The following GABPB1 variants were observed in gnomAD, a reference collection of about 807,000 sequenced individuals.
The protein encoded by GABPB1 is GA-binding protein subunit beta-1.
A neutral mutation model predicts 45.9 loss-of-function variants in GABPB1; 15 were observed. The ratio of observed to expected loss-of-function variants is 0.33; its 90% CI spans 0.22 to 0.50. The LOEUF (loss-of-function observed/expected upper bound fraction) is 0.50. Among genes scored for constraint, GABPB1 ranks in the 20% least tolerant of loss-of-function variants. The probability of loss-of-function intolerance (pLI) is 0.98; values close to 1 mark genes in which losing one functional copy is unlikely to be tolerated. For synonymous variants in GABPB1, 143 were observed against 154.4 expected (o/e 0.93, Z 0.55); for missense variants, 252 against 457.5 (o/e 0.55, Z 4.10).
chr15:50,339,071 G>A lies in GABPB1; in HGVS notation c.-1+15914C>T, dbSNP rs148723636. Among the ~76,000 whole-genome samples, 61 of 152,310 alleles carry A rather than the reference G, an allele frequency of 4.0e-4. No individual in the cohort carries two copies. The East Asian group carries it at 6.4e-3, about 16-fold the overall frequency. The stretch of plus-strand genomic sequence containing the variant: ...TAATCCCAGCACTTTGGGAGGCCAA[G>A]ACGGGCAGATCACTCAGGTGACCCT... On this transcript the variant is annotated intron_variant, in intron 1 of 8. Transcript: ENST00000380877.
chr15:50,346,758 G>C (rs2048601510), intron 1 of GABPB1, among the ~76,000 whole-genome samples: 1 of 150,652 alleles, frequency 6.6e-6, no homozygotes, highest in Non-Finnish European at 1.5e-5. Flanking sequence ...GTAACCTCAT[G>C]TGGAAGAAAG....
At chr15:50,345,405 G>A (rs1249395007) in intron 1 of GABPB1, among the ~76,000 whole-genome samples, 1 of 151,904 alleles carries the variant, frequency 6.6e-6, no homozygotes, top group Non-Finnish European at 1.5e-5. Flanking sequence ...TCTCTACCAG[G>A]AAAATACAAA....
chr15:50,281,527 G>C (rs1205473179), intron 8 of GABPB1, among the ~76,000 whole-genome samples: 1 of 152,298 alleles, frequency 6.6e-6, no homozygotes, highest in East Asian at 1.9e-4. Context: ...TTTTTTAAAA[G>C]AGAGAAACTG....
At chr15:50,341,404 T>C (rs1008685103) in intron 1 of GABPB1, among the ~76,000 whole-genome samples, 1 of 152,026 alleles carries the variant, frequency 6.6e-6, no homozygotes, top group African/African-American at 2.4e-5. Flanking sequence ...TGGCGGTGCA[T>C]GCCTGTAATT....
intron 1 of GABPB1, among the ~76,000 whole-genome samples, chr15:50,343,273 CTT>C (rs2048448596): frequency 6.6e-6 from 1 of 152,026 alleles, no homozygotes; most frequent in African/African-American, 2.4e-5. Context: ...CCCATCATCT[CTT>C]CTCAGCTCAT....
chr15:50,282,407 T>C (rs2046006252), intron 8 of GABPB1: 1 of 400,530 alleles, frequency 2.5e-6, no homozygotes, highest in African/African-American at 2.2e-5. Flanking sequence ...AAAATAAAAA[T>C]AAAAATAAAC....
rs60408137 is a variant in GABPB1 at position 50,302,643 on chromosome 15, C to CAAAA, written c.471+282_471+285dup. Among the ~76,000 whole-genome samples, 366 of 62,132 alleles carry CAAAA rather than the reference C, an allele frequency of 5.9e-3. 41 individuals carry two copies. Among genetic ancestry groups the CAAAA allele is most frequent in the Middle Eastern group, 9.3e-3 (1 of 108 alleles). 40.8% of individuals were successfully genotyped at this position (62,132 alleles called of 152,430 possible). ...TGGGGGACAGATCAAGACTCTGGCT[C>CAAAA]AAAAAAAAAAAAAAAAAAAAAAAAA... On this transcript the variant is annotated intron_variant, in intron 4 of 8. Coordinates refer to ENST00000380877, the MANE Select transcript of GABPB1 (RefSeq NM_016654.5).
chr15:50,347,454 T>C (rs749723393), intron 1 of GABPB1: 3 of 152,112 alleles, frequency 2.0e-5, no homozygotes, highest in Non-Finnish European at 2.9e-5. Flanking sequence ...AATTTATGTG[T>C]CATCCTTGTG....
chr15:50,301,055 T>C (rs138786304), intron 5 of GABPB1, 153 bp from the exon 6 acceptor site: 6 of 843,824 alleles, frequency 7.1e-6, no homozygotes, highest in Admixed American at 2.6e-5. Context: ...AATATCACCT[T>C]TCTTCAGATT....
At position 50,301,251 on chromosome 15, in the gene GABPB1, C is replaced by T. The variant is rs143987424; in HGVS notation, c.583+6G>A. 1 of 1,613,974 alleles carries T rather than the reference C, an allele frequency of 6.2e-7. No homozygotes were observed. The highest frequency in any genetic ancestry group is 1.1e-5 in the South Asian group (1 of 91,066). ...GCCTTGGATGAATTTTCTGAAGATA[C>T]CAGACCTGTTAGGTTCACCACCCCT... On this transcript the variant is annotated splice_donor_region_variant and intron_variant, in intron 5 of 8. Coordinates refer to ENST00000380877, the MANE Select transcript of GABPB1 (RefSeq NM_016654.5).
intron 6 of GABPB1, among the ~76,000 whole-genome samples, chr15:50,290,272 C>G (rs992980887): frequency 6.6e-6 from 1 of 152,072 alleles, no homozygotes; most frequent in African/African-American, 2.4e-5. Flanking sequence ...AATATCATGA[C>G]AAAGGTTATA....
chr15:50,289,501 T>G lies in GABPB1; in HGVS notation c.865A>C (p.Met289Leu). Residue 289 changes from methionine to leucine, a missense_variant, in exon 7 of 9, where the codon ATG becomes CTG. Met to Leu is a conservative substitution (Grantham distance 15). This residue lies in a region of GABPB1 where 193 missense variants were observed against 259.9 expected (regional missense o/e 0.74). Coordinates refer to ENST00000380877, the MANE Select transcript of GABPB1 (RefSeq NM_016654.5). ...SGIGQPIIVT[M>L]PDGQQVLTVP... is the part of the protein sequence containing the mutation. ...TACTAACCTTGTTGTCCATCTGGCA[T>G]GGTCACAATGATGGGCTGACCAATT... 2.5e-6 allele frequency: 4 copies of G among 1,610,744 alleles called. No individual in the cohort carries two copies. Among genetic ancestry groups the G allele is most frequent in the Non-Finnish European group, 3.4e-6 (4 of 1,178,334 alleles).
At chr15:50,344,034 G>C (rs986317997) in intron 1 of GABPB1, among the ~76,000 whole-genome samples, 1 of 152,126 alleles carries the variant, frequency 6.6e-6, no homozygotes, top group African/African-American at 2.4e-5. Flanking sequence ...CAAGAAAACG[G>C]GACTTTGTCT....
At chr15:50,290,587 T>C (rs1284500968) in intron 6 of GABPB1, among the ~76,000 whole-genome samples, 1 of 147,892 alleles carries the variant, frequency 6.8e-6, no homozygotes, top group Non-Finnish European at 1.5e-5. Context: ...CAAGACCCTG[T>C]CTCAAAAAAA....
At chr15:50,301,504 A>T in intron 4 of GABPB1, 136 bp from the exon 5 acceptor site, 1 of 802,634 alleles carries the variant, frequency 1.2e-6, no homozygotes, top group East Asian at 2.6e-5. Flanking sequence ...TATTTGTCTA[A>T]GGTCCACTGA....
chr15:50,325,130 A>G (rs949732390), intron 1 of GABPB1, among the ~76,000 whole-genome samples: 2 of 152,188 alleles, frequency 1.3e-5, no homozygotes, highest in Non-Finnish European at 2.9e-5. Flanking sequence ...AGGTGAAGTC[A>G]GTACAGGATG....
At chr15:50,354,409 C>A in intron 1 of GABPB1, 1 of 451,566 alleles carries the variant, frequency 2.2e-6, no homozygotes, top group South Asian at 1.6e-5. Flanking sequence ...CCGATCCCGC[C>A]GCGACCCGAG....
At chr15:50,329,829 T>A (rs1231711136) in intron 1 of GABPB1, among the ~76,000 whole-genome samples, 9 of 152,130 alleles carry the variant, frequency 5.9e-5, no homozygotes, top group Admixed American at 5.9e-4. Flanking sequence ...TTCTAATTTG[T>A]CTTTTAAGTG....
chr15:50,280,981 A>G (rs1021009226), intron 8 of GABPB1, among the ~76,000 whole-genome samples: 1 of 152,222 alleles, frequency 6.6e-6, no homozygotes, highest in Non-Finnish European at 1.5e-5. Context: ...GAGGTAGTCT[A>G]ACAGTGAAAA....
Sources: allele counts gnomAD v4.1 joint callset (sites outside exome capture counted in the v4.1 genomes callset), GRCh38; gene constraint gnomAD v4.1.1; regional missense constraint gnomAD v4.1.1; transcripts MANE v1.5; gene names NCBI Gene and HGNC (gene_info 2026-07-23, HGNC 2026-07-21).